The following ADAMTSL1 variants were observed in gnomAD, a reference collection of about 807,000 sequenced individuals.
ADAMTSL1 encodes the protein ADAMTS like 1.
ADAMTSL1 carries 126 observed loss-of-function variants against 201.8 expected under a neutral mutation model. That is an observed-to-expected ratio of 0.62 (90% confidence interval 0.54 to 0.72). The LOEUF is 0.72. Among genes scored for constraint, ADAMTSL1 ranks in the 30% least tolerant of loss-of-function variants. The pLI, the probability that ADAMTSL1 is intolerant of heterozygous loss-of-function variation, is 0.00. For synonymous variants in ADAMTSL1, 1,121 were observed against 903.4 expected, an observed-to-expected ratio of 1.24 and a Z score of -4.32; for missense variants, 2,679 against 2,277.8, an observed-to-expected ratio of 1.18 and a Z score of -3.59.
At chr9:17,966,690 C>A (rs1192310718) in intron 1 of ADAMTSL1, among the ~76,000 whole-genome samples, 1 of 152,114 alleles carries the variant, frequency 6.6e-6, no homozygotes, top group Non-Finnish European at 1.5e-5. Context: ...AAAATAAAGG[C>A]CGATTGGCCT....
chr9:18,702,755 T>C lies in ADAMTSL1; in HGVS notation c.1575-3992T>C, dbSNP rs532791429. Among the ~76,000 whole-genome samples the C allele has an allele frequency of 1.2e-3, 181 of 152,064 alleles. 1 individual carries two copies. The highest frequency in any genetic ancestry group is 3.4e-3 in the Middle Eastern group (1 of 294). On this transcript the variant is annotated intron_variant, in intron 13 of 28. Coordinates refer to ENST00000380548, the MANE Select transcript of ADAMTSL1 (RefSeq NM_001040272.6). ...TTCATTCATCCAACAGTAGTGTTGC[T>C]AACAAAAAGAGTTTTTTTTTTTTTC... is the stretch of plus-strand genomic sequence containing the variant.
chr9:18,558,203 C>T (rs1304019139), intron 3 of ADAMTSL1, among the ~76,000 whole-genome samples: 1 of 152,060 alleles, frequency 6.6e-6, no homozygotes, highest in Non-Finnish European at 1.5e-5. Flanking sequence ...CGTTCCTTTC[C>T]CTGTGTCCAT....
chr9:18,511,524 G>T (rs947588031), intron 2 of ADAMTSL1, among the ~76,000 whole-genome samples: 5 of 152,046 alleles, frequency 3.3e-5, no homozygotes, highest in African/African-American at 1.2e-4. Flanking sequence ...CCTAAAACAA[G>T]TAAGATTATA....
At chr9:18,623,551 G>A (rs1826169092) in intron 5 of ADAMTSL1, among the ~76,000 whole-genome samples, 1 of 152,118 alleles carries the variant, frequency 6.6e-6, no homozygotes, top group Admixed American at 6.6e-5. Flanking sequence ...TCAAGGGAAG[G>A]TGCCTCAGAT....
intron 1 of ADAMTSL1, among the ~76,000 whole-genome samples, chr9:18,095,412 C>CTTTA (rs1824202703): frequency 8.5e-6 from 1 of 117,870 alleles, no homozygotes; most frequent in Admixed American, 8.7e-5. Flanking sequence ...TTTCTTCTTT[C>CTTTA]TTTCTTTTTT....
At chr9:18,554,538 G>C (rs1348491372) in intron 3 of ADAMTSL1, among the ~76,000 whole-genome samples, 2 of 151,726 alleles carry the variant, frequency 1.3e-5, no homozygotes, top group Non-Finnish European at 2.9e-5. Context: ...CGCACTAAGT[G>C]AATTGTTTCC....
intron 23 of ADAMTSL1, among the ~76,000 whole-genome samples, chr9:18,838,402 C>CACACACACACA (rs754001590): frequency 8.0e-6 from 1 of 125,428 alleles, no homozygotes; most frequent in East Asian, 2.2e-4. Flanking sequence ...CACACACACA[C>CACACACACACA]GCAAAAACCT....
chr9:18,826,601 T>A, intron 22 of ADAMTSL1, 138 bp downstream of exon 22: 1 of 1,073,210 alleles, frequency 9.3e-7, no homozygotes, highest in Non-Finnish European at 1.3e-6. Context: ...CTTCCCAATT[T>A]AGGGCCTTTC....
chr9:18,702,464 T>C (rs1355572727), intron 13 of ADAMTSL1, among the ~76,000 whole-genome samples: 2 of 152,234 alleles, frequency 1.3e-5, no homozygotes, highest in Non-Finnish European at 2.9e-5. Context: ...TTAGGGATTT[T>C]ATAAGTGAAT....
intron 2 of ADAMTSL1, among the ~76,000 whole-genome samples, chr9:18,331,503 C>A (rs1835025527): frequency 6.6e-6 from 1 of 152,120 alleles, no homozygotes; most frequent in Non-Finnish European, 1.5e-5. Context: ...TGAACTATGC[C>A]TTGCTGTTAT....
chr9:18,493,784 A>C (rs1756437624), intron 1 of ADAMTSL1, among the ~76,000 whole-genome samples: 1 of 152,228 alleles, frequency 6.6e-6, no homozygotes, highest in Non-Finnish European at 1.5e-5. Context: ...GTATATGGAC[A>C]AGAGTGAAAG....
chr9:18,888,636 T>A (rs1829051467), intron 24 of ADAMTSL1, among the ~76,000 whole-genome samples: 1 of 151,598 alleles, frequency 6.6e-6, no homozygotes, highest in Non-Finnish European at 1.5e-5. Context: ...CAAGAAAGAG[T>A]TGTAAATGAG....
At chr9:18,100,402 T>A (rs1824462837) in intron 1 of ADAMTSL1, among the ~76,000 whole-genome samples, 1 of 152,142 alleles carries the variant, frequency 6.6e-6, no homozygotes, top group African/African-American at 2.4e-5. Flanking sequence ...TGCCTCAGCC[T>A]CCAGAGTAGC....
chr9:18,643,760 C>G lies in ADAMTSL1; in HGVS notation c.834+4349C>G, dbSNP rs146196048. Among the ~76,000 whole-genome samples the G allele has an allele frequency of 1.2e-3, 182 of 152,044 alleles. 1 individual carries two copies. In the East Asian group the frequency reaches 0.013, roughly 11 times the overall value. Reference sequence around the variant, plus strand: ...TATGTGTCTGTTTTTAGACTGGTACCATGTTGTTTTGATTACTATAGCTTT... The same window carrying G: ...TATGTGTCTGTTTTTAGACTGGTACGATGTTGTTTTGATTACTATAGCTTT... On this transcript the variant is annotated intron_variant, in intron 7 of 28. Transcript: ENST00000380548.
chr9:18,513,511 G>T (rs1236196365), intron 2 of ADAMTSL1, among the ~76,000 whole-genome samples: 4 of 152,198 alleles, frequency 2.6e-5, no homozygotes, highest in African/African-American at 7.2e-5. Context: ...TGTCCTACTT[G>T]CCTATTTTTG....
rs200593369 is a variant in ADAMTSL1 at position 18,892,436 on chromosome 9, G to T, written c.4691G>T (p.Gly1564Val). The change falls in exon 26 of 29, where the codon GGT (glycine) becomes GTT (valine). Residue 1564 changes from glycine (G) to valine (V), a missense_variant. By Grantham distance (109) the Gly-to-Val change is moderately radical. Transcript: ENST00000380548. ...WSACTRSCGG[G>V]VQTRRVTCQK... ...GCCTGTACCCGGAGCTGTGGGGGAG[G>T]TGTCCAGACCCGCAGGGTGACCTGT... 5.6e-6 allele frequency: 9 copies of T among 1,613,650 alleles called. No individual in the cohort carries two copies. The Admixed American group carries it at 1.3e-4, about 24-fold the overall frequency.
rs544591199 is a variant in ADAMTSL1 at position 18,391,718 on chromosome 9, T to G, written c.208-113111T>G. Among the ~76,000 whole-genome samples the G allele has an allele frequency of 5.3e-5, 8 of 152,312 alleles. No individual in the cohort carries two copies. The South Asian group carries it at 1.5e-3, about 28-fold the overall frequency. The stretch of plus-strand genomic sequence containing the variant: ...TTTTCTTTAGTTTTTAAGAGAGTTT[T>G]TAATTAGGGAATGTGATTCAACAGA... On this transcript the variant is annotated intron_variant, in intron 2 of 29. Transcript: ENST00000680146.
chr9:18,448,851 T>A (rs537358654), intron 2 of ADAMTSL1, among the ~76,000 whole-genome samples: 11 of 152,266 alleles, frequency 7.2e-5, no homozygotes, highest in African/African-American at 2.4e-4. Flanking sequence ...AGTTTAATTT[T>A]AAAAAATGCT....
At chr9:18,800,227 A>C (rs1323238444) in intron 20 of ADAMTSL1, among the ~76,000 whole-genome samples, 1 of 151,944 alleles carries the variant, frequency 6.6e-6, no homozygotes, top group Non-Finnish European at 1.5e-5. Flanking sequence ...AAATATAAAT[A>C]TTAGCCATGT....
Sources: gnomAD v4.1 joint callset for allele counts (sites outside exome capture counted in the v4.1 genomes callset) on GRCh38, gnomAD v4.1.1 for gene constraint, MANE v1.5 for transcripts, NCBI Gene and HGNC (gene_info 2026-07-23, HGNC 2026-07-21) for gene names.